Variants in NUP210 observed in about 807,000 individuals in gnomAD.
NUP210 encodes the protein nucleoporin 210, also known as nuclear pore membrane glycoprotein 210.
A neutral mutation model predicts 196.0 loss-of-function variants in NUP210; 151 were observed. The observed-to-expected ratio is 0.77, with a 90% CI of 0.67 to 0.88. The LOEUF is 0.88. Among genes scored for constraint, NUP210 ranks in the 40% least tolerant of loss-of-function variants. The pLI is 0.00. For missense variants in NUP210, 2,314 were observed against 2,493.7 expected, an observed-to-expected ratio of 0.93 and a Z score of 1.53; for synonymous variants, 1,070 against 1,052.7, an observed-to-expected ratio of 1.02 and a Z score of -0.32.
chr3:13,417,249 T>C (rs191287742), intron 1 of NUP210, among the ~76,000 whole-genome samples: 9 of 152,186 alleles, frequency 5.9e-5, no homozygotes, highest in Non-Finnish European at 1.3e-4. Context: ...GGTTTTCCTA[T>C]ATGAAACACA....
At chr3:13,414,202 C>T (rs556729335) in intron 1 of NUP210, among the ~76,000 whole-genome samples, 10 of 152,362 alleles carry the variant, frequency 6.6e-5, no homozygotes, top group African/African-American at 2.4e-4. Flanking sequence ...GGATGACACA[C>T]GCCACCTCCC....
intron 4 of NUP210, among the ~76,000 whole-genome samples, chr3:13,390,828 C>A (rs1460523261): frequency 6.6e-6 from 1 of 152,232 alleles, no homozygotes; most frequent in African/African-American, 2.4e-5. Context: ...CCACCTGAGA[C>A]CCACCGGCAC....
chr3:13,386,206 C>A, intron 6 of NUP210, 69 bp downstream of exon 6: 1 of 1,543,840 alleles, frequency 6.5e-7, no homozygotes, highest in Non-Finnish European at 8.8e-7. Flanking sequence ...AATTTTGTTA[C>A]ATGTATGTAA....
At chr3:13,322,042 T>A in intron 35 of NUP210, 151 bp downstream of exon 35, 2 of 1,147,950 alleles carry the variant, frequency 1.7e-6, no homozygotes, top group Non-Finnish European at 2.5e-6. Context: ...TCCTCCCAAG[T>A]CCCCCTGGCG....
intron 12 of NUP210, among the ~76,000 whole-genome samples, chr3:13,372,456 C>T (rs1698763134): frequency 6.6e-6 from 1 of 152,134 alleles, no homozygotes; most frequent in Non-Finnish European, 1.5e-5. Flanking sequence ...CAGAGGTCCC[C>T]ACCACCCTGG....
intron 16 of NUP210, among the ~76,000 whole-genome samples, chr3:13,356,758 G>A (rs2124886107): frequency 6.6e-6 from 1 of 152,338 alleles, no homozygotes; most frequent in South Asian, 2.1e-4. Flanking sequence ...GCTACTCCGT[G>A]TTTGAGGTCC....
Position 13,319,826 on chromosome 3 carries a change from T to G in NUP210, c.5320A>C (p.Asn1774His). ...TTLTFSSPVT[N>H]QAIAIPVTVA... ...GTCACTGGGATGGCAATGGCTTGGT[T>G]GGTCACGGGGCTGGAGAAGGTCAGG... is the stretch of plus-strand genomic sequence containing the variant. The change falls in exon 37 of 40, where the codon AAC becomes CAC. Residue 1774 changes from asparagine to histidine, a missense_variant. By Grantham distance (68) the Asn-to-His change is moderately conservative. Transcript: ENST00000254508. 6.2e-7 allele frequency: 1 copy of G among 1,614,202 alleles called. No homozygotes were observed.
At chr3:13,413,477 A>C (rs1006355764) in intron 1 of NUP210, among the ~76,000 whole-genome samples, 11 of 151,904 alleles carry the variant, frequency 7.2e-5, no homozygotes, top group East Asian at 5.8e-4. Context: ...CTCAAAAAAA[A>C]AAACAAACAA....
Position 13,330,540 on chromosome 3 carries a change from A to C in NUP210, c.4030T>G (p.Ser1344Ala), listed in dbSNP as rs1445403834. 3.1e-6 allele frequency: 5 copies of C among 1,614,194 alleles called. No homozygotes were observed. The South Asian group carries it at 5.5e-5, about 18-fold the overall frequency. The change falls in exon 30 of 40, where the codon TCT becomes GCT. Residue 1344 changes from serine to alanine, a missense_variant. Transcript: ENST00000254508. ...VDEKGFLASG[S>A]MIGTSTIEVI... ...TCGATGGTGGATGTCCCGATCATAG[A>C]CCCTGATGCTAGAAAGCCTTTCTCA...
rs1327831052 is a variant in NUP210 at position 13,350,949 on chromosome 3, C to G, written c.2835+930G>C. Among the ~76,000 whole-genome samples, 1 of 152,000 alleles carries G rather than the reference C, an allele frequency of 6.6e-6. No homozygotes were observed. The highest frequency in any genetic ancestry group is 2.4e-5 in the African/African-American group (1 of 41,378). Reference sequence around the variant, plus strand: ...TCCTGACCTTGTGATCAGCCTGCCTCGGCCTCCCAAAGTGCTGGGATTACA... The same window carrying G: ...TCCTGACCTTGTGATCAGCCTGCCTGGGCCTCCCAAAGTGCTGGGATTACA... On this transcript the variant is annotated intron_variant, in intron 20 of 39. Coordinates refer to ENST00000254508, the MANE Select transcript of NUP210 (RefSeq NM_024923.4). This position sits in a 1 kb window ranked among gnomAD's most constrained non-coding sequence, Gnocchi z 4.1.
Position 13,379,675 on chromosome 3 carries a change from G to A in NUP210, c.864C>T (p.Ser288=), listed in dbSNP as rs566581458. Residue 288 remains serine, a synonymous_variant, in exon 7 of 40, where the codon AGC becomes AGT. Transcript: ENST00000254508. The surrounding 1 kb of genome is among the most constrained non-coding windows in gnomAD (Gnocchi z 4.2). ...CTGGGTCTCCTTCGGGGCCCGGGAT[G>A]CTGTTCTGAAGCTGCAACTCGTACT... is the stretch of plus-strand genomic sequence containing the variant. ...SDQYELQLQN[S]IPGPEGDPAR... The A allele has an allele frequency of 6.2e-7, 1 of 1,613,650 alleles. No individual in the cohort carries two copies. The highest frequency in any genetic ancestry group is 8.5e-7 in the Non-Finnish European group (1 of 1,179,894).
chr3:13,393,212 A>T (rs1001270836), intron 3 of NUP210, among the ~76,000 whole-genome samples: 2 of 152,174 alleles, frequency 1.3e-5, no homozygotes, highest in Non-Finnish European at 2.9e-5. Context: ...CCCCCATGAC[A>T]TGTCCAGTGT....
Position 13,358,280 on chromosome 3 carries a change from A to G in NUP210, c.2270T>C (p.Val757Ala). Residue 757 changes from valine to alanine, a missense_variant, in exon 16 of 40, where the codon GTC (valine) becomes GCC (alanine). Val to Ala is a moderately conservative substitution (Grantham distance 64). Coordinates refer to ENST00000254508, the MANE Select transcript of NUP210 (RefSeq NM_024923.4). ...CATGTCCAGCTGGGGGCTGGTGTAG[A>G]CAGGCGCGAGGGTGAGCCTGGACGG... ...APPSRLTLAP[V>A]YTSPQLDMSC... 6.2e-7 allele frequency: 1 copy of G among 1,613,756 alleles called. No individual in the cohort carries two copies.
intron 11 of NUP210, among the ~76,000 whole-genome samples, chr3:13,375,144 T>C (rs200295789): frequency 3.4e-4 from 48 of 142,628 alleles, no homozygotes; most frequent in Admixed American, 2.4e-3. Context: ...TTTTTTCTCT[T>C]TTTTTTTTTT....
intron 39 of NUP210, among the ~76,000 whole-genome samples, chr3:13,318,544 G>A (rs1048559311): frequency 7.2e-5 from 11 of 152,140 alleles, no homozygotes; most frequent in Non-Finnish European, 1.2e-4. Flanking sequence ...GGGCCTTCAC[G>A]TACAGCAGTA....
rs199772642 is a variant in NUP210 at position 13,397,479 on chromosome 3, T to C, written c.314A>G (p.Gln105Arg). The change falls in exon 3 of 40, where the codon CAG becomes CGG. Residue 105 changes from glutamine to arginine, a missense_variant. By Grantham distance (43) the Gln-to-Arg change is conservative (BLOSUM62 1). Transcript: ENST00000254508. ...IIFAEDITTG[Q>R]VLRCDAIVDL... The stretch of plus-strand genomic sequence containing the variant: ...CACAATGGCATCACAGCGCAGGACC[T>C]GGCCTGTGGCTGGAGGAACCCCAGG... 681 of 1,598,362 alleles carry C rather than the reference T, an allele frequency of 4.3e-4. No individual in the cohort carries two copies. Among genetic ancestry groups the C allele is most frequent in the Non-Finnish European group, 5.1e-4 (593 of 1,173,066 alleles).
intron 14 of NUP210, among the ~76,000 whole-genome samples, chr3:13,365,241 C>G (rs995598028): frequency 6.6e-6 from 1 of 152,218 alleles, no homozygotes; most frequent in Non-Finnish European, 1.5e-5. Context: ...CTGCACTACC[C>G]CCTAGACTGT....
At chr3:13,414,221 G>A (rs867139117) in intron 1 of NUP210, among the ~76,000 whole-genome samples, 17 of 152,258 alleles carry the variant, frequency 1.1e-4, no homozygotes, top group Non-Finnish European at 1.6e-4. Flanking sequence ...CCATCCACCC[G>A]CGGGGTCCAG....
chr3:13,373,654 A>G, intron 12 of NUP210, 64 bp downstream of exon 12: 1 of 1,562,486 alleles, frequency 6.4e-7, no homozygotes, highest in Non-Finnish European at 8.8e-7. Flanking sequence ...AGGCTTGCTC[A>G]GAGGGGGCGG....
Sources: allele counts gnomAD v4.1 joint callset (sites outside exome capture counted in the v4.1 genomes callset), GRCh38; gene constraint gnomAD v4.1.1; non-coding constraint Gnocchi (gnomAD v3.1); transcripts MANE v1.5; gene names NCBI Gene and HGNC (gene_info 2026-07-23, HGNC 2026-07-21).